The following FCGRT variants were observed in gnomAD, a reference collection of about 807,000 sequenced individuals.
FCGRT encodes the protein IgG receptor FcRn large subunit p51.
FCGRT carries 13 observed loss-of-function variants against 35.7 expected under a neutral mutation model. The observed-to-expected ratio is 0.36, with a 90% CI of 0.24 to 0.58. FCGRT has a LOEUF of 0.58. Among genes scored for constraint, FCGRT ranks in the 20% least tolerant of loss-of-function variants. The probability of loss-of-function intolerance (pLI) is 0.77; values close to 1 mark genes in which losing one functional copy is unlikely to be tolerated. For missense variants in FCGRT, 455 were observed against 474.9 expected (o/e 0.96, Z 0.39); for synonymous variants, 233 against 216.5 (o/e 1.08, Z -0.67).
At chr19:49,519,759 G>C (rs1343695722) in intron 4 of FCGRT, among the ~76,000 whole-genome samples, 1 of 149,924 alleles carries the variant, frequency 6.7e-6, no homozygotes, top group East Asian at 2.0e-4. Flanking sequence ...TTCGGGTGTT[G>C]TTATGAAGTT....
At chr19:49,513,345 G>T in intron 1 of FCGRT, 42 bp from the exon 2 acceptor site, 1 of 980,388 alleles carries the variant, frequency 1.0e-6, no homozygotes, top group Non-Finnish European at 1.3e-6. Flanking sequence ...GGAAGGGGCG[G>T]GCCGGGGGTC....
In FCGRT at chr19:49,524,877, C is replaced by A. The variant is rs377635682; in HGVS notation, c.871+101C>A. ...CTGACCTTCCTCCCCACTGCTGCCA[C>A]CTCCTTGAATCTGACTGCCTTGAAC... On this transcript the variant is annotated intron_variant, in intron 5 of 6. Coordinates refer to ENST00000221466, the MANE Select transcript of FCGRT (RefSeq NM_001136019.3). 19 of 1,178,862 alleles carry A rather than the reference C, an allele frequency of 1.6e-5. No homozygotes were observed. The East Asian group carries it at 4.1e-4, about 25-fold the overall frequency. The allele number at this position is 1,178,862 out of a possible 1,614,324, so 73.0% of individuals were successfully genotyped here.
At chr19:49,524,340 G>T (rs2080059768) in intron 4 of FCGRT, among the ~76,000 whole-genome samples, 167 bp from the exon 5 acceptor site, 1 of 152,104 alleles carries the variant, frequency 6.6e-6, no homozygotes, top group African/African-American at 2.4e-5. Flanking sequence ...ACACCTTCGG[G>T]GTGGACAGGT....
chr19:49,518,943 A>G (rs143421668), intron 4 of FCGRT, among the ~76,000 whole-genome samples: 1,948 of 151,480 alleles, frequency 0.013, 43 homozygotes, highest in African/African-American at 0.044. Context: ...CCCAAGTTGC[A>G]CCAATTCTCC....
Position 49,526,064 on chromosome 19 carries a change from G to C in FCGRT, c.1043G>C (p.Gly348Ala). The change falls in exon 7 of 7, where the codon GGG becomes GCG. Residue 348 changes from glycine (G) to alanine (A), a missense_variant. By Grantham distance (60) the Gly-to-Ala change is moderately conservative. Transcript: ENST00000221466. ...DDTGVLLPTP[G>A]EAQDADLKDV... ...ACCGGGGTCCTCCTGCCCACCCCAG[G>C]GGAGGCCCAGGATGCTGATTTGAAG... 1 of 1,613,832 alleles carries C rather than the reference G, an allele frequency of 6.2e-7. No homozygotes were observed. The highest frequency in any genetic ancestry group is 8.5e-7 in the Non-Finnish European group (1 of 1,179,872).
chr19:49,520,082 C>T (rs1035873733), intron 4 of FCGRT, among the ~76,000 whole-genome samples: 30 of 149,898 alleles, frequency 2.0e-4, no homozygotes, highest in African/African-American at 5.9e-4. Flanking sequence ...CCACTTGCCT[C>T]GGCCTCCCAA....
intron 4 of FCGRT, among the ~76,000 whole-genome samples, chr19:49,522,770 CTTTTT>C (rs746958247): frequency 0.012 from 825 of 66,686 alleles, 34 homozygotes; most frequent in East Asian, 0.095. Flanking sequence ...CTTAAGCTCT[CTTTTT>C]TTTTTTTTTT....
intron 2 of FCGRT, 50 bp downstream of exon 2, chr19:49,513,523 C>T: frequency 1.8e-6 from 2 of 1,126,352 alleles, no homozygotes; most frequent in Non-Finnish European, 1.1e-6. Context: ...CGGCGGGAGG[C>T]GGCCCCAGGC....
At chr19:49,517,842 G>A (rs1002821283) in intron 4 of FCGRT, among the ~76,000 whole-genome samples, 16 of 152,040 alleles carry the variant, frequency 1.1e-4, no homozygotes, top group African/African-American at 3.1e-4. Flanking sequence ...ACAGGTGCCC[G>A]CCACCTCGCC....
intron 2 of FCGRT, 58 bp downstream of exon 2, chr19:49,513,531 G>A: frequency 9.8e-7 from 1 of 1,025,480 alleles, no homozygotes. Context: ...GGCGGCCCCA[G>A]GCAGGCAGGG....
chr19:49,524,676 C>T lies in FCGRT; in HGVS notation c.771C>T (p.Phe257=). 6.2e-7 allele frequency: 1 copy of T among 1,604,964 alleles called. No individual in the cohort carries two copies. Among genetic ancestry groups the T allele is most frequent in the South Asian group, 1.1e-5 (1 of 91,084 alleles). Residue 257 remains phenylalanine, a synonymous_variant, in exon 5 of 7, where the codon TTC becomes TTT. Coordinates refer to ENST00000221466, the MANE Select transcript of FCGRT (RefSeq NM_001136019.3). ...GDFGPNSDGS[F]HASSSLTVKS... is the part of the protein sequence containing the mutation. Reference sequence around the variant, plus strand: ...TCGGCCCCAACAGTGACGGATCCTTCCACGCCTCGTCGTCACTAACAGTCA... The same window carrying T: ...TCGGCCCCAACAGTGACGGATCCTTTCACGCCTCGTCGTCACTAACAGTCA...
At chr19:49,523,029 G>A (rs909771603) in intron 4 of FCGRT, among the ~76,000 whole-genome samples, 4 of 151,250 alleles carry the variant, frequency 2.6e-5, no homozygotes, top group African/African-American at 7.3e-5. Flanking sequence ...CGCCTGCCTC[G>A]GCCTCCCAAA....
At chr19:49,516,742 A>G (rs1315543374) in intron 4 of FCGRT, among the ~76,000 whole-genome samples, 2 of 151,354 alleles carry the variant, frequency 1.3e-5, no homozygotes, top group African/African-American at 4.9e-5. Context: ...TTTTTAGTAG[A>G]GACGGGGGCT....
Position 49,514,175 on chromosome 19 carries a change from T to C in FCGRT, c.326-36T>C, listed in dbSNP as rs758668386. The C allele has an allele frequency of 7.5e-6, 12 of 1,610,454 alleles. No homozygotes were observed. In the East Asian group the frequency reaches 1.1e-4, roughly 15 times the overall value. On this transcript the variant is annotated intron_variant, in intron 3 of 6. Transcript: ENST00000221466. ...GAGGGGCAAGGGGCCGGGTCCATGCTCCGGGGCCCCGCTTACCTGTGTTTG... is the reference window on the plus strand; with the variant it reads ...GAGGGGCAAGGGGCCGGGTCCATGCCCCGGGGCCCCGCTTACCTGTGTTTG...
rs1440916920 is a variant in FCGRT at position 49,514,205 on chromosome 19, C to T, written c.326-6C>T. 1 of 1,609,536 alleles carries T rather than the reference C, an allele frequency of 6.2e-7. No individual in the cohort carries two copies. The highest frequency in any genetic ancestry group is 1.3e-5 in the African/African-American group (1 of 74,882). On this transcript the variant is annotated splice_region_variant and splice_polypyrimidine_tract_variant and intron_variant, in intron 3 of 6. Coordinates refer to ENST00000221466, the MANE Select transcript of FCGRT (RefSeq NM_001136019.3). Reference sequence around the variant, plus strand: ...GGCCCCGCTTACCTGTGTTTGGGCGCCCCAGGTCCCTACACTCTGCAGGGC... The same window carrying T: ...GGCCCCGCTTACCTGTGTTTGGGCGTCCCAGGTCCCTACACTCTGCAGGGC...
intron 4 of FCGRT, among the ~76,000 whole-genome samples, chr19:49,514,687 CCTT>C (rs927384265): frequency 6.0e-5 from 9 of 150,482 alleles, no homozygotes; most frequent in Non-Finnish European, 8.8e-5. Context: ...TCCTTCCTTG[CCTT>C]CTTTTTTTTT....
In FCGRT at chr19:49,513,726, CTGGG is replaced by C. The variant is rs1355703637; in HGVS notation, c.74-154_74-151del. On this transcript the variant is annotated intron_variant, in intron 2 of 6. Coordinates refer to ENST00000221466, the MANE Select transcript of FCGRT (RefSeq NM_001136019.3). ...TTCTGGGTCTCTTGTCTCTCTCTCT[CTGGG>C]TCTCTGTCCCCCCCCCCCCGGGTTT... The C allele has an allele frequency of 2.0e-4, 122 of 598,800 alleles. No homozygotes were observed. The African/African-American group carries it at 2.5e-3, about 12-fold the overall frequency. 37.1% of individuals were successfully genotyped at this position (598,800 alleles called of 1,614,324 possible). A position where few individuals can be genotyped will look rare whatever the true frequency, so the allele number is the denominator to read the frequency against.
At chr19:49,524,404 G>A (rs2080060119) in intron 4 of FCGRT, 103 bp from the exon 5 acceptor site, 1 of 1,292,914 alleles carries the variant, frequency 7.7e-7, no homozygotes. Context: ...ATTATCTGCG[G>A]TTAGCACAGT....
In FCGRT at chr19:49,514,492, C is replaced by G. The variant is rs1057377961; in HGVS notation, c.601+6C>G. 2.0e-6 allele frequency: 3 copies of G among 1,537,058 alleles called. No homozygotes were observed. In the African/African-American group the frequency reaches 4.1e-5, roughly 21 times the overall value. ...CGGAAACCTGGAGTGGAAGGGTGAG[C>G]CGGATCTGCAGCCGCAGGCTGTTCT... On this transcript the variant is annotated splice_donor_region_variant and intron_variant, in intron 4 of 6. Coordinates refer to ENST00000221466, the MANE Select transcript of FCGRT (RefSeq NM_001136019.3).
Sources: allele counts gnomAD v4.1 joint callset (sites outside exome capture counted in the v4.1 genomes callset), GRCh38; gene constraint gnomAD v4.1.1; transcripts MANE v1.5; gene names NCBI Gene and HGNC (gene_info 2026-07-23, HGNC 2026-07-21).